LPGAT1: variants seen among roughly 807,000 people sequenced by gnomAD.
The protein encoded by LPGAT1 is acyl-CoA:lysophosphatidylglycerol acyltransferase 1.
Under a neutral mutation model 47.5 loss-of-function variants are expected in LPGAT1, and 11 were observed. The observed-to-expected ratio is 0.23, with a 90% CI of 0.15 to 0.38. The LOEUF (loss-of-function observed/expected upper bound fraction) is 0.38. Among genes scored for constraint, LPGAT1 ranks in the 10% least tolerant of loss-of-function variants. The probability of loss-of-function intolerance (pLI) is 1.00; values close to 1 mark genes in which losing one functional copy is unlikely to be tolerated. For synonymous variants in LPGAT1, 138 were observed against 144.2 expected, an observed-to-expected ratio of 0.96 and a Z score of 0.31; for missense variants, 293 against 439.0, an observed-to-expected ratio of 0.67 and a Z score of 2.97.
At chr1:211,829,855 G>C in intron 1 of LPGAT1, 3 of 975,188 alleles carry the variant, frequency 3.1e-6, no homozygotes, top group Non-Finnish European at 3.6e-6. Context: ...TGTAGCAATA[G>C]GGTTTTTGTT....
rs145293367 is a variant in LPGAT1, at chr1:211,751,089, G to T, written c.855-22C>A. The T allele has an allele frequency of 1.7e-5, 25 of 1,464,244 alleles. No individual in the cohort carries two copies. In the East Asian group the frequency reaches 5.4e-4, roughly 32 times the overall value. The allele number at this position is 1,464,244 out of a possible 1,614,324, so 90.7% of individuals were successfully genotyped here. On this transcript the variant is annotated intron_variant, in intron 6 of 7. Transcript: ENST00000366997. Reference sequence around the variant, plus strand: ...GATCCTATTAAGGGTTAGAAGAAAAGAACAAAAACTATTTAGTTCAGAAGT... The same window carrying T: ...GATCCTATTAAGGGTTAGAAGAAAATAACAAAAACTATTTAGTTCAGAAGT...
At chr1:211,755,993 T>C (rs1392971928) in intron 6 of LPGAT1, among the ~76,000 whole-genome samples, 1 of 152,166 alleles carries the variant, frequency 6.6e-6, no homozygotes, top group Non-Finnish European at 1.5e-5. Flanking sequence ...ATCTCAGCAC[T>C]TTGGGAGGCC....
chr1:211,759,573 T>C (rs949922716), intron 6 of LPGAT1, among the ~76,000 whole-genome samples: 6 of 152,088 alleles, frequency 3.9e-5, no homozygotes, highest in Admixed American at 1.3e-4. Context: ...TTAATTTGCT[T>C]TTCTTTTTCT....
At chr1:211,803,532 G>C (rs991542191) in intron 2 of LPGAT1, among the ~76,000 whole-genome samples, 1 of 152,018 alleles carries the variant, frequency 6.6e-6, no homozygotes, top group Non-Finnish European at 1.5e-5. Flanking sequence ...AAGGAGTTGG[G>C]GGTGAATTAG....
At chr1:211,769,194 C>T (rs1658060931) in intron 6 of LPGAT1, among the ~76,000 whole-genome samples, 1 of 151,974 alleles carries the variant, frequency 6.6e-6, no homozygotes, top group Admixed American at 6.6e-5. Flanking sequence ...AATCTAGGAG[C>T]AGGGTAGAGG....
intron 6 of LPGAT1, among the ~76,000 whole-genome samples, chr1:211,761,144 TA>T (rs1657682182): frequency 1.3e-5 from 2 of 152,188 alleles, no homozygotes; most frequent in Admixed American, 1.3e-4. Context: ...CTGCTTAGTA[TA>T]AAAGGCTTAT....
chr1:211,830,636 G>A lies in LPGAT1; in HGVS notation c.-91C>T. On this transcript the variant is annotated 5_prime_UTR_variant, in exon 1 of 8. Transcript: ENST00000366997. This position sits in a 1 kb window ranked among gnomAD's most constrained non-coding sequence, Gnocchi z 5.9. ...AGAGGAGCCGGAAGAATGCATGGCC[G>A]GCGGCGGGGCCGGCGGAAGAAGGCG... The A allele has an allele frequency of 8.3e-7, 1 of 1,203,192 alleles. No homozygotes were observed. The highest frequency in any genetic ancestry group is 1.0e-6 in the Non-Finnish European group (1 of 969,432). The allele number at this position is 1,203,192 out of a possible 1,614,324, so 74.5% of individuals were successfully genotyped here.
rs1441255396 is a variant in LPGAT1, at chr1:211,829,147, G to C, written c.150C>G (p.Asp50Glu). The C allele has an allele frequency of 1.2e-6, 2 of 1,614,002 alleles. No individual in the cohort carries two copies. Among genetic ancestry groups the C allele is most frequent in the East Asian group, 4.5e-5 (2 of 44,884 alleles). ...VIILQPLRVLDSKRFWYIEGI... is the reference protein window; with the variant it reads ...VIILQPLRVLESKRFWYIEGI... ...CTTCGATATACCAGAACCGCTTACT[G>C]TCCAGCACTCGAAGGGGCTGAAGTA... The change falls in exon 2 of 8, where the codon GAC becomes GAG. Residue 50 changes from aspartate to glutamate, a missense_variant. By Grantham distance (45) the Asp-to-Glu change is conservative. Transcript: ENST00000366997.
chr1:211,771,380 CAT>C (rs1198385525), intron 6 of LPGAT1, among the ~76,000 whole-genome samples: 2 of 152,184 alleles, frequency 1.3e-5, no homozygotes, highest in Admixed American at 6.5e-5. Context: ...TTAAGTGACA[CAT>C]GACTGTATAC....
chr1:211,773,675 T>C (rs1017183804), intron 6 of LPGAT1, among the ~76,000 whole-genome samples: 3 of 152,224 alleles, frequency 2.0e-5, no homozygotes, highest in Non-Finnish European at 2.9e-5. Context: ...TTTACCCCTA[T>C]AAATACTCTC....
At chr1:211,810,477 T>C (rs529460264) in intron 2 of LPGAT1, among the ~76,000 whole-genome samples, 1 of 152,206 alleles carries the variant, frequency 6.6e-6, no homozygotes, top group Non-Finnish European at 1.5e-5. Context: ...TGCTGTTCCC[T>C]GTCATATTCA....
intron 4 of LPGAT1, among the ~76,000 whole-genome samples, chr1:211,784,964 C>T (rs1019269961): frequency 1.5e-4 from 23 of 152,042 alleles, no homozygotes; most frequent in African/African-American, 4.3e-4. Flanking sequence ...CCACCACACC[C>T]GGCTAATTTT....
At chr1:211,783,187 C>T (rs577576333) in intron 5 of LPGAT1, 42 bp downstream of exon 5, 1 of 1,523,238 alleles carries the variant, frequency 6.6e-7, no homozygotes, top group Admixed American at 2.0e-5. Context: ...CCAGAAAATC[C>T]TTTAACTCCA....
At chr1:211,819,942 A>ACCT (rs1660310472) in intron 2 of LPGAT1, among the ~76,000 whole-genome samples, 1 of 151,972 alleles carries the variant, frequency 6.6e-6, no homozygotes, top group African/African-American at 2.4e-5. Context: ...CCAAGACTGC[A>ACCT]CCACTACACT....
chr1:211,825,474 T>C (rs937008677), intron 2 of LPGAT1, among the ~76,000 whole-genome samples: 1 of 152,202 alleles, frequency 6.6e-6, no homozygotes, highest in Non-Finnish European at 1.5e-5. Flanking sequence ...AATCTTTCTC[T>C]GACATTTACC....
intron 2 of LPGAT1, among the ~76,000 whole-genome samples, chr1:211,826,508 C>T (rs982891255): frequency 1.1e-4 from 17 of 152,214 alleles, no homozygotes; most frequent in Non-Finnish European, 1.9e-4. Context: ...GAGCTAAATG[C>T]TAAATTTTAT....
chr1:211,819,998 C>T (rs1660312871), intron 2 of LPGAT1, among the ~76,000 whole-genome samples: 1 of 151,294 alleles, frequency 6.6e-6, no homozygotes, highest in South Asian at 2.1e-4. Context: ...AAAAAAAAGG[C>T]AGGCAGGGGG....
intron 3 of LPGAT1, among the ~76,000 whole-genome samples, chr1:211,789,632 A>G (rs1018820880): frequency 2.0e-5 from 3 of 152,218 alleles, no homozygotes; most frequent in African/African-American, 7.2e-5. Flanking sequence ...CTATAATCCC[A>G]GCACTTTGGG....
chr1:211,780,732 C>G (rs1426478554), intron 5 of LPGAT1, among the ~76,000 whole-genome samples: 1 of 151,952 alleles, frequency 6.6e-6, no homozygotes, highest in Non-Finnish European at 1.5e-5. Flanking sequence ...GATATACATG[C>G]TGAAATGTTT....
Sources: gnomAD v4.1 joint callset for allele counts (sites outside exome capture counted in the v4.1 genomes callset) on GRCh38, gnomAD v4.1.1 for gene constraint, Gnocchi (gnomAD v3.1) non-coding constraint, MANE v1.5 for transcripts, NCBI Gene and HGNC (gene_info 2026-07-23, HGNC 2026-07-21) for gene names.